Variants in PRRG4 observed in about 807,000 individuals in gnomAD.
PRRG4 encodes transmembrane gamma-carboxyglutamic acid protein 4.
PRRG4 carries 12 observed loss-of-function variants against 20.0 expected under a neutral mutation model. The observed-to-expected ratio is 0.60, with a 90% CI of 0.38 to 0.97. The LOEUF (loss-of-function observed/expected upper bound fraction) is 0.97. Ranked by LOEUF, PRRG4 falls within the 50% of genes least tolerant of loss-of-function variation. The probability of loss-of-function intolerance (pLI) is 0.00; values close to 1 mark genes in which losing one functional copy is unlikely to be tolerated. For synonymous variants in PRRG4, 94 were observed against 96.4 expected, an observed-to-expected ratio of 0.98 and a Z score of 0.15; for missense variants, 199 against 265.1, an observed-to-expected ratio of 0.75 and a Z score of 1.73.
chr11:32,843,425 T>G (rs1452795292), intron 5 of PRRG4, among the ~76,000 whole-genome samples: 1 of 151,858 alleles, frequency 6.6e-6, no homozygotes, highest in Non-Finnish European at 1.5e-5. Flanking sequence ...TTTTTTTCTA[T>G]GCATATACTA....
intron 3 of PRRG4, among the ~76,000 whole-genome samples, chr11:32,838,320 G>T (rs1252247979): frequency 6.6e-6 from 1 of 152,110 alleles, no homozygotes; most frequent in Non-Finnish European, 1.5e-5. Context: ...CCTGGGCGTG[G>T]TGTCAGGCGC....
intron 5 of PRRG4, among the ~76,000 whole-genome samples, chr11:32,846,013 C>G (rs1851127677): frequency 6.6e-6 from 1 of 151,928 alleles, no homozygotes; most frequent in African/African-American, 2.4e-5. Context: ...AAAAAATTAG[C>G]CAGGTGTGGT....
chr11:32,836,887 A>C (rs1851024486), intron 3 of PRRG4, 66 bp downstream of exon 3: 2 of 1,322,698 alleles, frequency 1.5e-6, no homozygotes, highest in Admixed American at 2.0e-5. Context: ...TGGCACTTTC[A>C]GTTATTAGAG....
At chr11:32,830,216 C>G in intron 1 of PRRG4, 43 bp downstream of exon 1, 6 of 1,072,934 alleles carry the variant, frequency 5.6e-6, no homozygotes, top group Non-Finnish European at 6.8e-6. Flanking sequence ...AGGGGGTTAC[C>G]TGGAAGGGGC....
chr11:32,852,858 C>G (rs1432451325), intron 5 of PRRG4, among the ~76,000 whole-genome samples: 2 of 150,144 alleles, frequency 1.3e-5, no homozygotes, highest in East Asian at 3.9e-4. Flanking sequence ...ACTGCAACCT[C>G]TGCTCCTGGG....
Position 32,838,814 on chromosome 11 carries a change from C to T in PRRG4, c.268-68C>T, listed in dbSNP as rs1454779843. 1.3e-5 allele frequency: 15 copies of T among 1,174,446 alleles called. No individual in the cohort carries two copies. In the Admixed American group the frequency reaches 2.6e-4, roughly 20 times the overall value. 72.8% of individuals were successfully genotyped at this position (1,174,446 alleles called of 1,614,324 possible). On this transcript the variant is annotated intron_variant, in intron 3 of 5. Transcript: ENST00000257836. ...AGAGTTTACTACCCCTAGTCTAGGT[C>T]ATTAGGACCAAATGAAATGTGATAA...
At chr11:32,842,869 A>G (rs1433901105) in intron 5 of PRRG4, among the ~76,000 whole-genome samples, 1 of 152,106 alleles carries the variant, frequency 6.6e-6, no homozygotes, top group Non-Finnish European at 1.5e-5. Context: ...ATTATTATTT[A>G]GAGATGGAGT....
At position 32,829,999 on chromosome 11, in the gene PRRG4, C is replaced by T. The variant is rs1850946947; in HGVS notation, c.-197C>T. ...TGTTCCCCGGGCGCCCCTCTGCGAACCCCAGGCCCTTCCCAGGTTTGCGCG... is the reference window on the plus strand; with the variant it reads ...TGTTCCCCGGGCGCCCCTCTGCGAATCCCAGGCCCTTCCCAGGTTTGCGCG... On this transcript the variant is annotated 5_prime_UTR_variant, in exon 1 of 6. Transcript: ENST00000257836. 2 of 985,716 alleles carry T rather than the reference C, an allele frequency of 2.0e-6. No homozygotes were observed. Among genetic ancestry groups the T allele is most frequent in the Non-Finnish European group, 2.4e-6 (2 of 830,252 alleles). The allele number at this position is 985,716 out of a possible 1,614,324, so 61.1% of individuals were successfully genotyped here. A position where few individuals can be genotyped will look rare whatever the true frequency, so the allele number is the denominator to read the frequency against.
At chr11:32,848,085 T>C (rs1268033061) in intron 5 of PRRG4, among the ~76,000 whole-genome samples, 1 of 152,196 alleles carries the variant, frequency 6.6e-6, no homozygotes, top group African/African-American at 2.4e-5. Flanking sequence ...TCTCTTGTAG[T>C]TCTGGAGGCT....
chr11:32,836,562 C>T, intron 2 of PRRG4, 96 bp from the exon 3 acceptor site: 7 of 598,184 alleles, frequency 1.2e-5, no homozygotes, highest in South Asian at 4.4e-5. Context: ...ATAATTTAGC[C>T]ACATCAAGAG....
chr11:32,830,499 T>C lies in PRRG4; in HGVS notation c.-22-9T>C, dbSNP rs2133433738. On this transcript the variant is annotated splice_polypyrimidine_tract_variant and intron_variant, in intron 1 of 5. Coordinates refer to ENST00000257836, the MANE Select transcript of PRRG4 (RefSeq NM_024081.6). ...TTTTTTTTTTAATATTTTTTTTTGTTTGTTTTAGTTTGTTTGACAGTTGCC... is the reference window on the plus strand; with the variant it reads ...TTTTTTTTTTAATATTTTTTTTTGTCTGTTTTAGTTTGTTTGACAGTTGCC... The C allele has an allele frequency of 6.7e-7, 1 of 1,485,656 alleles. No individual in the cohort carries two copies. The highest frequency in any genetic ancestry group is 1.4e-5 in the South Asian group (1 of 70,410). 92.0% of individuals were successfully genotyped at this position (1,485,656 alleles called of 1,614,324 possible).
chr11:32,839,689 GTAT>G (rs1851057640), intron 4 of PRRG4, among the ~76,000 whole-genome samples: 1 of 108,752 alleles, frequency 9.2e-6, no homozygotes, highest in South Asian at 2.7e-4. Flanking sequence ...TAAAATATAA[GTAT>G]TATATTTTGA....
chr11:32,856,980 C>G lies in PRRG4; in HGVS notation c.*3453C>G, dbSNP rs1486504870. 6.6e-6 allele frequency: 1 copy of G among 151,682 alleles called. No homozygotes were observed. The highest frequency in any genetic ancestry group is 1.5e-5 in the Non-Finnish European group (1 of 68,050). The allele number at this position is 151,682 out of a possible 1,614,324, so 9.4% of individuals were successfully genotyped here. On this transcript the variant is annotated 3_prime_UTR_variant, in exon 6 of 6. Coordinates refer to ENST00000257836, the MANE Select transcript of PRRG4 (RefSeq NM_024081.6). ...CTAAGTAGCTGGGACCACAGGTGCACCTCGGTACACCTGGCTAATTTTTGT... is the reference window on the plus strand; with the variant it reads ...CTAAGTAGCTGGGACCACAGGTGCAGCTCGGTACACCTGGCTAATTTTTGT...
intron 3 of PRRG4, 26 bp downstream of exon 3, chr11:32,836,847 G>C: frequency 6.3e-7 from 1 of 1,588,954 alleles, no homozygotes; most frequent in Non-Finnish European, 8.6e-7. Flanking sequence ...ATGTTAATTG[G>C]CTGGAAATGT....
intron 5 of PRRG4, among the ~76,000 whole-genome samples, chr11:32,848,193 G>T (rs1851148112): frequency 6.6e-6 from 1 of 152,118 alleles, no homozygotes; most frequent in East Asian, 1.9e-4. Context: ...CCTCTAGAGG[G>T]GAGGAACATT....
At position 32,855,776 on chromosome 11, in the gene PRRG4, C is replaced by T. The variant is rs946242266; in HGVS notation, c.*2249C>T. 10 of 152,216 alleles carry T rather than the reference C, an allele frequency of 6.6e-5. No individual in the cohort carries two copies. The highest frequency in any genetic ancestry group is 1.0e-4 in the Non-Finnish European group (7 of 68,034). 9.4% of individuals were successfully genotyped at this position (152,216 alleles called of 1,614,324 possible). A position where few individuals can be genotyped will look rare whatever the true frequency, so the allele number is the denominator to read the frequency against. Reference sequence around the variant, plus strand: ...TGCTATTCCTTGTGTCTTGGCTTTACATAAGCACTTTTGCTCATGTGACTT... The same window carrying T: ...TGCTATTCCTTGTGTCTTGGCTTTATATAAGCACTTTTGCTCATGTGACTT... On this transcript the variant is annotated 3_prime_UTR_variant, in exon 6 of 6. Coordinates refer to ENST00000257836, the MANE Select transcript of PRRG4 (RefSeq NM_024081.6).
chr11:32,831,520 G>A (rs1850971143), intron 2 of PRRG4, among the ~76,000 whole-genome samples: 2 of 152,152 alleles, frequency 1.3e-5, no homozygotes, highest in Non-Finnish European at 2.9e-5. Context: ...ACCCAAAGGC[G>A]TGAAACTCTG....
At position 32,855,276 on chromosome 11, in the gene PRRG4, T is replaced by G. The variant is rs1648251895; in HGVS notation, c.*1749T>G. ...ATTTCTGGAGTATATGCACACAAAT[T>G]TATCTGGGTGGGTATGTAGGTATAT... On this transcript the variant is annotated 3_prime_UTR_variant, in exon 6 of 6. Transcript: ENST00000257836. 1 of 152,126 alleles carries G rather than the reference T, an allele frequency of 6.6e-6. No homozygotes were observed. Among genetic ancestry groups the G allele is most frequent in the Admixed American group, 6.6e-5 (1 of 15,264 alleles). 9.4% of individuals were successfully genotyped at this position (152,126 alleles called of 1,614,324 possible). A position where few individuals can be genotyped will look rare whatever the true frequency, so the allele number is the denominator to read the frequency against.
intron 5 of PRRG4, among the ~76,000 whole-genome samples, chr11:32,843,627 A>G: frequency 6.6e-6 from 1 of 152,262 alleles, no homozygotes; most frequent in Middle Eastern, 3.4e-3. Flanking sequence ...AAAAAATAGT[A>G]AAATATATGT....
Sources: allele counts gnomAD v4.1 joint callset (sites outside exome capture counted in the v4.1 genomes callset), GRCh38; gene constraint gnomAD v4.1.1; transcripts MANE v1.5; gene names NCBI Gene and HGNC (gene_info 2026-07-23, HGNC 2026-07-21).